The following IGF1R variants were observed in gnomAD, a reference collection of about 807,000 sequenced individuals.
IGF1R encodes the protein insulin like growth factor 1 receptor.
In IGF1R, 44 loss-of-function variants were observed where a neutral mutation model predicts 144.6. The ratio of observed to expected loss-of-function variants is 0.30; its 90% CI spans 0.24 to 0.39. The LOEUF is 0.39. IGF1R is among the 10% of genes least tolerant of loss of function. The pLI, the probability that IGF1R is intolerant of heterozygous loss-of-function variation, is 1.00. For missense variants in IGF1R, 1,355 were observed against 1,833.7 expected, an observed-to-expected ratio of 0.74 and a Z score of 4.77; for synonymous variants, 795 against 722.8, an observed-to-expected ratio of 1.10 and a Z score of -1.60.
chr15:98,770,559 C>A (rs907249721), intron 2 of IGF1R, among the ~76,000 whole-genome samples: 1 of 151,886 alleles, frequency 6.6e-6, no homozygotes, highest in East Asian at 1.9e-4. Flanking sequence ...TTCAAAATAT[C>A]ATATTAACCC....
chr15:98,962,877 T>C lies in IGF1R; in HGVS notation c.*5435T>C. 4.3e-6 allele frequency: 1 copy of C among 233,750 alleles called. No individual in the cohort carries two copies. The highest frequency in any genetic ancestry group is 8.5e-6 in the Non-Finnish European group (1 of 118,072). 14.5% of individuals were successfully genotyped at this position (233,750 alleles called of 1,614,324 possible). ...TTCAAGAACACAAACTACATCGCAC[T>C]CGTCAGTTGTCAGTTCTGGGGCATG... On this transcript the variant is annotated 3_prime_UTR_variant, in exon 21 of 21. Coordinates refer to ENST00000650285, the MANE Select transcript of IGF1R (RefSeq NM_000875.5).
At chr15:98,765,422 C>T (rs746554907) in intron 2 of IGF1R, among the ~76,000 whole-genome samples, 35 of 147,070 alleles carry the variant, frequency 2.4e-4, no homozygotes, top group African/African-American at 8.0e-4. Context: ...GATTCTTGTG[C>T]CTCAGCCTCC....
chr15:98,649,750 C>T (rs1273570436), intron 1 of IGF1R, 75 bp downstream of exon 1: 11 of 1,134,206 alleles, frequency 9.7e-6, no homozygotes, highest in Admixed American at 1.8e-5. Context: ...TTGCGAAACC[C>T]GAGTTGCCAC....
At chr15:98,750,983 G>T (rs1033032364) in intron 2 of IGF1R, among the ~76,000 whole-genome samples, 1 of 151,992 alleles carries the variant, frequency 6.6e-6, no homozygotes, top group Non-Finnish European at 1.5e-5. Flanking sequence ...TAGAGACAGG[G>T]TTTCATCATG....
intron 1 of IGF1R, among the ~76,000 whole-genome samples, chr15:98,696,877 G>A (rs2053607979): frequency 6.6e-6 from 1 of 152,194 alleles, no homozygotes; most frequent in Non-Finnish European, 1.5e-5. Flanking sequence ...GTTCCTGTGG[G>A]TGTGGATGGA....
At chr15:98,896,609 A>T in intron 3 of IGF1R, 148 bp from the exon 4 acceptor site, 1 of 780,938 alleles carries the variant, frequency 1.3e-6, no homozygotes, top group Non-Finnish European at 2.1e-6. Flanking sequence ...GGGGTGAGAT[A>T]CCATGTGACC....
chr15:98,888,446 T>A lies in IGF1R; in HGVS notation c.641-2879T>A, dbSNP rs1461871802. Among the ~76,000 whole-genome samples, 339 of 151,400 alleles carry A rather than the reference T, an allele frequency of 2.2e-3. 1 individual carries two copies. The highest frequency in any genetic ancestry group is 7.3e-3 in the African/African-American group (297 of 40,928). On this transcript the variant is annotated intron_variant, in intron 2 of 20. Coordinates refer to ENST00000650285, the MANE Select transcript of IGF1R (RefSeq NM_000875.5). Reference sequence around the variant, plus strand: ...TGATGAGAGAGAGAGAGAGTGTGTGTGTGTGTGTGTGTGTGTGTGTTTACA... The same window carrying A: ...TGATGAGAGAGAGAGAGAGTGTGTGAGTGTGTGTGTGTGTGTGTGTTTACA...
At chr15:98,793,288 TAAA>T (rs1295930389) in intron 2 of IGF1R, among the ~76,000 whole-genome samples, 1 of 152,098 alleles carries the variant, frequency 6.6e-6, no homozygotes, top group African/African-American at 2.4e-5. Flanking sequence ...AACAAGTACT[TAAA>T]AAAAATCTTG....
At chr15:98,908,185 C>T (rs1596429171) in intron 5 of IGF1R, among the ~76,000 whole-genome samples, 1 of 152,216 alleles carries the variant, frequency 6.6e-6, no homozygotes, top group Non-Finnish European at 1.5e-5. Flanking sequence ...CCAGGGTTGA[C>T]CCCCCACAAG....
rs1232752448 is a variant in IGF1R, at chr15:98,649,280, A to C, written c.-302A>C. ...CCCCCTTCCTGCCTCTCCGGGTTTG[A>C]AAATGGAGGCCGACGACGCCGACAG... On this transcript the variant is annotated 5_prime_UTR_variant, in exon 1 of 21. Transcript: ENST00000650285. 1.4e-5 allele frequency: 3 copies of C among 212,246 alleles called. No homozygotes were observed. The highest frequency in any genetic ancestry group is 2.8e-5 in the Non-Finnish European group (3 of 105,380). 13.1% of individuals were successfully genotyped at this position (212,246 alleles called of 1,614,324 possible). A position where few individuals can be genotyped will look rare whatever the true frequency, so the allele number is the denominator to read the frequency against.
rs1478357957 is a variant in IGF1R, at chr15:98,958,322, A to C, written c.*880A>C. On this transcript the variant is annotated 3_prime_UTR_variant, in exon 21 of 21. Coordinates refer to ENST00000650285, the MANE Select transcript of IGF1R (RefSeq NM_000875.5). The stretch of plus-strand genomic sequence containing the variant: ...TCCCCAGCCCCCTGCCCAACCCCCA[A>C]GAATCTGGTGGCCATGGGCCCCGAA... 4.5e-6 allele frequency: 1 copy of C among 220,128 alleles called. No homozygotes were observed. Among genetic ancestry groups the C allele is most frequent in the African/African-American group, 2.2e-5 (1 of 44,560 alleles). 13.6% of individuals were successfully genotyped at this position (220,128 alleles called of 1,614,324 possible).
intron 2 of IGF1R, among the ~76,000 whole-genome samples, chr15:98,817,377 G>A (rs1158303019): frequency 6.6e-6 from 1 of 151,854 alleles, no homozygotes; most frequent in African/African-American, 2.4e-5. Context: ...AGGATGCACA[G>A]TAAAGAGAAT....
intron 2 of IGF1R, among the ~76,000 whole-genome samples, chr15:98,709,533 A>G (rs990102746): frequency 1.3e-5 from 2 of 152,226 alleles, no homozygotes; most frequent in African/African-American, 4.8e-5. Flanking sequence ...CTGCCCTATC[A>G]TTAAGTTACC....
At chr15:98,878,158 G>C (rs1330359764) in intron 2 of IGF1R, among the ~76,000 whole-genome samples, 1 of 152,224 alleles carries the variant, frequency 6.6e-6, no homozygotes, top group Admixed American at 6.5e-5. Flanking sequence ...CTAGTTTTAG[G>C]AGATGCAGCC....
chr15:98,891,664 C>T lies in IGF1R; in HGVS notation c.953+27C>T. On this transcript the variant is annotated intron_variant, in intron 3 of 20. Coordinates refer to ENST00000650285, the MANE Select transcript of IGF1R (RefSeq NM_000875.5). This position sits in a 1 kb window ranked among gnomAD's most constrained non-coding sequence, Gnocchi z 4.7. The stretch of plus-strand genomic sequence containing the variant: ...TCAGTCGCGGCCACACGTGTGGTCA[C>T]TACCCGCCCCACCTCACCCGCCACC... 6.3e-7 allele frequency: 1 copy of T among 1,591,314 alleles called. No individual in the cohort carries two copies. The highest frequency in any genetic ancestry group is 8.5e-7 in the Non-Finnish European group (1 of 1,174,064).
chr15:98,844,733 CT>C (rs2141540187), intron 2 of IGF1R, among the ~76,000 whole-genome samples: 1 of 152,020 alleles, frequency 6.6e-6, no homozygotes, highest in South Asian at 2.1e-4. Context: ...TAAATGCTCC[CT>C]TTTTCATAGA....
At chr15:98,900,220 C>G (rs953430682) in intron 5 of IGF1R, among the ~76,000 whole-genome samples, 1 of 152,226 alleles carries the variant, frequency 6.6e-6, no homozygotes, top group Non-Finnish European at 1.5e-5. Flanking sequence ...GGGCTTTTCA[C>G]TGGAGGATAA....
At chr15:98,831,027 CAG>C (rs1329587043) in intron 2 of IGF1R, among the ~76,000 whole-genome samples, 10 of 152,146 alleles carry the variant, frequency 6.6e-5, no homozygotes, top group African/African-American at 2.4e-4. Context: ...AGATAACTAA[CAG>C]AGTGAGAACT....
chr15:98,834,909 AG>A (rs2141512780), intron 2 of IGF1R, among the ~76,000 whole-genome samples: 1 of 152,324 alleles, frequency 6.6e-6, no homozygotes, highest in Non-Finnish European at 1.5e-5. Context: ...AGTTTTGGTT[AG>A]GGATTTTTGT....
Sources: allele counts gnomAD v4.1 joint callset (sites outside exome capture counted in the v4.1 genomes callset), GRCh38; gene constraint gnomAD v4.1.1; non-coding constraint Gnocchi (gnomAD v3.1); transcripts MANE v1.5; gene names NCBI Gene and HGNC (gene_info 2026-07-23, HGNC 2026-07-21).